Variants in STK10 observed in about 807,000 individuals in gnomAD.
STK10 encodes serine/threonine-protein kinase 10.
Under a neutral mutation model 113.8 loss-of-function variants are expected in STK10, and 78 were observed. That is an observed-to-expected ratio of 0.69 (90% CI 0.57 to 0.83). The LOEUF is 0.83. STK10 is among the 40% of genes least tolerant of loss of function. STK10 has a pLI of 0.00. For missense variants in STK10, 1,109 were observed against 1,280.1 expected, an observed-to-expected ratio of 0.87 and a Z score of 2.04; for synonymous variants, 465 against 494.7, an observed-to-expected ratio of 0.94 and a Z score of 0.80.
chr5:172,088,915 C>T (rs1768628520), intron 10 of STK10, among the ~76,000 whole-genome samples: 2 of 152,198 alleles, frequency 1.3e-5, no homozygotes, highest in African/African-American at 4.8e-5. Flanking sequence ...TAAAGCTGAT[C>T]CTAGCAAACA....
chr5:172,055,097 C>A (rs1767715703), intron 16 of STK10, among the ~76,000 whole-genome samples: 1 of 152,254 alleles, frequency 6.6e-6, no homozygotes, highest in Non-Finnish European at 1.5e-5. Context: ...TCTGTCCACA[C>A]ACAGAGGTGA....
At chr5:172,123,125 C>T (rs938343940) in intron 3 of STK10, among the ~76,000 whole-genome samples, 1 of 152,194 alleles carries the variant, frequency 6.6e-6, no homozygotes, top group Non-Finnish European at 1.5e-5. Flanking sequence ...GACCCCTGGG[C>T]CCCAAGCTCA....
intron 1 of STK10, among the ~76,000 whole-genome samples, chr5:172,170,813 C>T (rs532864958): frequency 6.6e-6 from 1 of 152,176 alleles, no homozygotes; most frequent in Non-Finnish European, 1.5e-5. Flanking sequence ...GTGAAAGGTG[C>T]CCATGGGCTC....
chr5:172,056,995 G>GAAAGAAAGAGAGAGAGAGAGAGAA (rs1157626941), intron 15 of STK10: 1 of 69,664 alleles, frequency 1.4e-5, no homozygotes, highest in African/African-American at 6.1e-5. Context: ...AAGAAAGAAA[G>GAAAGAAAGAGAGAGAGAGAGAGAA]AGAAAGAAGG....
chr5:172,089,132 C>T (rs1031819236), intron 10 of STK10, among the ~76,000 whole-genome samples: 9 of 152,228 alleles, frequency 5.9e-5, no homozygotes, highest in Middle Eastern at 3.2e-3. Context: ...CTCAGGGCCT[C>T]AGCAACTGCA....
intron 1 of STK10, among the ~76,000 whole-genome samples, chr5:172,175,847 CTGAG>C (rs992210662): frequency 3.3e-5 from 5 of 152,216 alleles, no homozygotes; most frequent in African/African-American, 1.2e-4. Context: ...CTATGTGACC[CTGAG>C]TAAGTCACTG....
chr5:172,066,746 A>G (rs891533915), intron 12 of STK10, among the ~76,000 whole-genome samples: 2 of 152,236 alleles, frequency 1.3e-5, no homozygotes, highest in East Asian at 3.8e-4. Flanking sequence ...AGATCATACC[A>G]TTGAACTTCC....
In STK10 at chr5:172,044,013, T is replaced by A. The variant is rs1015325489; in HGVS notation, c.*869A>T. On this transcript the variant is annotated 3_prime_UTR_variant, in exon 19 of 19. Coordinates refer to ENST00000176763, the MANE Select transcript of STK10 (RefSeq NM_005990.4). This position sits in a 1 kb window ranked among gnomAD's most constrained non-coding sequence, Gnocchi z 4.5. ...GAGCCTGTGCGGGGGCCAGCACGCATCGCAGCCTGGCAGTACAGCCTGTGC... is the reference window on the plus strand; with the variant it reads ...GAGCCTGTGCGGGGGCCAGCACGCAACGCAGCCTGGCAGTACAGCCTGTGC... 4 of 152,392 alleles carry A rather than the reference T, an allele frequency of 2.6e-5. No homozygotes were observed. Among genetic ancestry groups the A allele is most frequent in the Non-Finnish European group, 5.9e-5 (4 of 68,190 alleles). The allele number at this position is 152,392 out of a possible 1,614,324, so 9.4% of individuals were successfully genotyped here.
In STK10 at chr5:172,090,349, T is replaced by A; in HGVS notation, c.1568A>T (p.Tyr523Phe). The A allele has an allele frequency of 6.2e-7, 1 of 1,613,886 alleles. No individual in the cohort carries two copies. The change falls in exon 10 of 19, where the codon TAC becomes TTC. Residue 523 changes from tyrosine (Y) to phenylalanine (F), a missense_variant. By Grantham distance (22) the Tyr-to-Phe change is conservative. Around this residue, in one of 5 missense-constraint regions of STK10, gnomAD observed 885 missense variants for 991.1 expected, o/e 0.89. Coordinates refer to ENST00000176763, the MANE Select transcript of STK10 (RefSeq NM_005990.4). ...GSLSIKDPKL[Y>F]KKTLKRTRKF... Reference sequence around the variant, plus strand: ...GCGTGTCCGCTTGAGGGTTTTTTTGTACAGTTTCGGGTCCTGGCCAGGGAA... The same window carrying A: ...GCGTGTCCGCTTGAGGGTTTTTTTGAACAGTTTCGGGTCCTGGCCAGGGAA...
At chr5:172,155,585 G>T (rs1305778928) in intron 2 of STK10, among the ~76,000 whole-genome samples, 1 of 150,274 alleles carries the variant, frequency 6.7e-6, no homozygotes, top group African/African-American at 2.5e-5. Context: ...GTTTATAAGA[G>T]CAAAATAAAA....
At position 172,043,113 on chromosome 5, in the gene STK10, G is replaced by A. The variant is rs527260907; in HGVS notation, c.*1769C>T. Reference sequence around the variant, plus strand: ...GAATTTTTTTTTTTTTTTTTTTTGAGAGACAGAGTCTCGCCCTGTCACCTA... The same window carrying A: ...GAATTTTTTTTTTTTTTTTTTTTGAAAGACAGAGTCTCGCCCTGTCACCTA... On this transcript the variant is annotated 3_prime_UTR_variant, in exon 19 of 19. Coordinates refer to ENST00000176763, the MANE Select transcript of STK10 (RefSeq NM_005990.4). 7.7e-5 allele frequency: 11 copies of A among 142,124 alleles called. No individual in the cohort carries two copies. The highest frequency in any genetic ancestry group is 6.4e-4 in the Admixed American group (9 of 14,032). 8.8% of individuals were successfully genotyped at this position (142,124 alleles called of 1,614,324 possible).
chr5:172,090,395 C>G (rs1768673696), intron 9 of STK10, 33 bp from the exon 10 acceptor site: 1 of 1,608,126 alleles, frequency 6.2e-7, no homozygotes. Flanking sequence ...CAAGTCTCAG[C>G]ATTTCAGCTA....
intron 1 of STK10, among the ~76,000 whole-genome samples, chr5:172,168,725 T>C (rs1314389233): frequency 6.6e-6 from 1 of 152,138 alleles, no homozygotes; most frequent in African/African-American, 2.4e-5. Context: ...CCAGGTCACA[T>C]AGCTAGGAGG....
At chr5:172,126,430 C>T (rs1386984781) in intron 3 of STK10, among the ~76,000 whole-genome samples, 6 of 151,950 alleles carry the variant, frequency 3.9e-5, no homozygotes, top group Non-Finnish European at 7.4e-5. Context: ...CGGGCATGGT[C>T]GTGGGCACCT....
chr5:172,116,378 G>A (rs1315366822), intron 4 of STK10, among the ~76,000 whole-genome samples: 1 of 152,018 alleles, frequency 6.6e-6, no homozygotes, highest in African/African-American at 2.4e-5. Flanking sequence ...CACCATGCCT[G>A]GCCGAAAATC....
At chr5:172,074,385 T>C (rs1156892791) in intron 12 of STK10, among the ~76,000 whole-genome samples, 1 of 152,146 alleles carries the variant, frequency 6.6e-6, no homozygotes, top group Non-Finnish European at 1.5e-5. Context: ...AAATACCACA[T>C]ACAAGTATAT....
intron 4 of STK10, among the ~76,000 whole-genome samples, chr5:172,111,012 C>A (rs1267486645): frequency 6.6e-6 from 1 of 152,144 alleles, no homozygotes; most frequent in Middle Eastern, 3.2e-3. Context: ...AGGGGACAGT[C>A]TGGCCAGCAA....
chr5:172,079,561 A>ATTTG (rs1277113001), intron 12 of STK10, among the ~76,000 whole-genome samples: 9 of 142,494 alleles, frequency 6.3e-5, no homozygotes, highest in Non-Finnish European at 1.5e-5. Context: ...TTATTTATTT[A>ATTTG]TTTATTTATT....
chr5:172,183,950 C>G (rs950752249), intron 1 of STK10, among the ~76,000 whole-genome samples: 2 of 152,136 alleles, frequency 1.3e-5, no homozygotes, highest in Non-Finnish European at 2.9e-5. Context: ...TTTGATATCT[C>G]GGAGACTGCT....
Sources: allele counts gnomAD v4.1 joint callset (sites outside exome capture counted in the v4.1 genomes callset), GRCh38; gene constraint gnomAD v4.1.1; regional missense constraint gnomAD v4.1.1; non-coding constraint Gnocchi (gnomAD v3.1); transcripts MANE v1.5; gene names NCBI Gene and HGNC (gene_info 2026-07-23, HGNC 2026-07-21).